Variants in PCDHGA9 observed in about 807,000 individuals in gnomAD.
PCDHGA9 encodes protocadherin gamma-A9.
PCDHGA9 carries 37 observed loss-of-function variants against 62.5 expected under a neutral mutation model. That is an observed-to-expected ratio of 0.59 (90% CI 0.46 to 0.78). The LOEUF is 0.78. Ranked by LOEUF, PCDHGA9 falls within the 30% of genes least tolerant of loss-of-function variation. PCDHGA9 has a pLI of 0.00. For synonymous variants in PCDHGA9, 459 were observed against 484.6 expected (o/e 0.95, Z 0.69); for missense variants, 1,138 against 1,166.2 (o/e 0.98, Z 0.35).
intron 1 of PCDHGA9, among the ~76,000 whole-genome samples, chr5:141,467,062 T>C (rs2099136058): frequency 6.6e-6 from 1 of 151,686 alleles, no homozygotes; most frequent in South Asian, 2.1e-4. Context: ...TTTCTTTTTT[T>C]TTTTTTTTTA....
intron 1 of PCDHGA9, among the ~76,000 whole-genome samples, chr5:141,448,772 G>C (rs1034550563): frequency 1.5e-4 from 22 of 151,272 alleles, no homozygotes; most frequent in African/African-American, 3.7e-4. Context: ...AACCCCGTCT[G>C]TACTAAAAAT....
Position 141,490,710 on chromosome 5 carries a change from C to G in PCDHGA9, c.2425-4097C>G, listed in dbSNP as rs1158575765. On this transcript the variant is annotated intron_variant, in intron 1 of 3. Coordinates refer to ENST00000573521, the MANE Select transcript of PCDHGA9 (RefSeq NM_018921.3). The surrounding 1 kb of genome is among the most constrained non-coding windows in gnomAD (Gnocchi z 5.4). ...ACACTGGGGATAATGCCCGCCTCAC[C>G]TACTCCATTGTAGGAAATCAGGTTC... 6.2e-7 allele frequency: 1 copy of G among 1,614,208 alleles called. No homozygotes were observed. The highest frequency in any genetic ancestry group is 8.5e-7 in the Non-Finnish European group (1 of 1,180,030).
intron 2 of PCDHGA9, among the ~76,000 whole-genome samples, chr5:141,499,149 A>G (rs1215155217): frequency 6.6e-6 from 1 of 152,084 alleles, no homozygotes; most frequent in African/African-American, 2.4e-5. Context: ...TCTGATCCCA[A>G]TAGCTGTTGT....
intron 1 of PCDHGA9, among the ~76,000 whole-genome samples, chr5:141,467,823 T>A (rs1225960296): frequency 1.3e-5 from 2 of 152,012 alleles, no homozygotes; most frequent in African/African-American, 2.4e-5. Flanking sequence ...CACACCAGGC[T>A]GATTTTTATA....
At position 141,508,909 on chromosome 5, in the gene PCDHGA9, G is replaced by A. The variant is rs545345992; in HGVS notation, c.2573-2038G>A. ...GAGGGGAGGGGGCGGGGCGGTGGCG[G>A]ATCTGGCTTCCTTTTGGAGTTAATT... is the stretch of plus-strand genomic sequence containing the variant. On this transcript the variant is annotated intron_variant, in intron 3 of 3. Coordinates refer to ENST00000573521, the MANE Select transcript of PCDHGA9 (RefSeq NM_018921.3). 2.0e-5 allele frequency among the ~76,000 whole-genome samples: 3 copies of A among 152,202 alleles called. No homozygotes were observed. The South Asian group carries it at 6.2e-4, about 32-fold the overall frequency.
At position 141,438,631 on chromosome 5, in the gene PCDHGA9, T is replaced by C. The variant is rs1227796079; in HGVS notation, c.2424+33255T>C. 6.5e-4 allele frequency among the ~76,000 whole-genome samples: 28 copies of C among 43,202 alleles called. 1 individual carries two copies. Among genetic ancestry groups the C allele is most frequent in the Non-Finnish European group, 8.8e-4 (23 of 26,272 alleles). 28.3% of individuals were successfully genotyped at this position (43,202 alleles called of 152,430 possible). On this transcript the variant is annotated intron_variant, in intron 1 of 3. Transcript: ENST00000573521. ...ATATATATATATATATATATATATATATATACACACACACACACACATATA... is the reference window on the plus strand; with the variant it reads ...ATATATATATATATATATATATATACATATACACACACACACACACATATA...
chr5:141,472,795 G>A (rs939788734), intron 1 of PCDHGA9, among the ~76,000 whole-genome samples: 1 of 151,794 alleles, frequency 6.6e-6, no homozygotes, highest in Non-Finnish European at 1.5e-5. Flanking sequence ...AGATCAGCCT[G>A]ACCAACATGG....
At chr5:141,410,701 A>C in intron 1 of PCDHGA9, 2 of 1,471,660 alleles carry the variant, frequency 1.4e-6, no homozygotes, top group Non-Finnish European at 9.1e-7. Context: ...TTATTTTCAT[A>C]TCTAGAATCA....
chr5:141,404,214 C>A lies in PCDHGA9; in HGVS notation c.1262C>A (p.Thr421Lys). Reference sequence around the variant, plus strand: ...GAAAAAGCCTCAGAATATAATATCACGGTGACTGCAACAGACAGAGGAACT... The same window carrying A: ...GAAAAAGCCTCAGAATATAATATCAAGGTGACTGCAACAGACAGAGGAACT... The part of the protein sequence containing the change: ...DREKASEYNI[T>K]VTATDRGTPP... The change falls in exon 1 of 4, where the codon ACG (threonine) becomes AAG (lysine). Residue 421 changes from threonine to lysine, a missense_variant. Thr to Lys is a moderately conservative substitution (Grantham distance 78). Transcript: ENST00000573521. 6.2e-7 allele frequency: 1 copy of A among 1,613,562 alleles called. No homozygotes were observed. Among genetic ancestry groups the A allele is most frequent in the Non-Finnish European group, 8.5e-7 (1 of 1,179,632 alleles).
At chr5:141,415,252 C>T (rs895920596) in intron 1 of PCDHGA9, 5 of 1,614,098 alleles carry the variant, frequency 3.1e-6, no homozygotes, top group Non-Finnish European at 4.2e-6. Context: ...AACCTCAGAC[C>T]TCACTCTGTA....
rs1009141449 is a variant in PCDHGA9, at chr5:141,491,922, G to A, written c.2425-2885G>A. 2 of 1,349,026 alleles carry A rather than the reference G, an allele frequency of 1.5e-6. No individual in the cohort carries two copies. Among genetic ancestry groups the A allele is most frequent in the African/African-American group, 1.5e-5 (1 of 67,598 alleles). The allele number at this position is 1,349,026 out of a possible 1,614,324, so 83.6% of individuals were successfully genotyped here. On this transcript the variant is annotated intron_variant, in intron 1 of 3. Coordinates refer to ENST00000573521, the MANE Select transcript of PCDHGA9 (RefSeq NM_018921.3). The surrounding 1 kb of genome is among the most constrained non-coding windows in gnomAD (Gnocchi z 6.9). ...CGGGGGTGGTGGCGACTGTGGGCGAGGGGAGGTGGGACCGACCCCCACCCC... is the reference window on the plus strand; with the variant it reads ...CGGGGGTGGTGGCGACTGTGGGCGAAGGGAGGTGGGACCGACCCCCACCCC...
intron 2 of PCDHGA9, among the ~76,000 whole-genome samples, chr5:141,495,250 A>G (rs557893500): frequency 6.6e-6 from 1 of 152,188 alleles, no homozygotes; most frequent in Non-Finnish European, 1.5e-5. Context: ...CCTGGGGCTC[A>G]GGCAGAAAAG....
intron 1 of PCDHGA9, chr5:141,440,191 A>G (rs1239698049): frequency 1.3e-5 from 2 of 152,376 alleles, no homozygotes; most frequent in African/African-American, 4.8e-5. Context: ...GTTGAAGGCC[A>G]GGCATGGTGG....
intron 1 of PCDHGA9, chr5:141,409,529 G>A: frequency 6.2e-7 from 1 of 1,613,962 alleles, no homozygotes; most frequent in Middle Eastern, 1.6e-4. Context: ...CTTGTATGTC[G>A]CTGACATCAA....
At chr5:141,459,287 G>A (rs1362981410) in intron 1 of PCDHGA9, among the ~76,000 whole-genome samples, 1 of 152,136 alleles carries the variant, frequency 6.6e-6, no homozygotes, top group African/African-American at 2.4e-5. Context: ...TCATCTAAAT[G>A]GAATCCTATA....
In PCDHGA9 at chr5:141,477,767, A is replaced by G. The variant is rs1178354274; in HGVS notation, c.2425-17040A>G. 6.2e-7 allele frequency: 1 copy of G among 1,613,906 alleles called. No homozygotes were observed. The highest frequency in any genetic ancestry group is 8.5e-7 in the Non-Finnish European group (1 of 1,180,038). On this transcript the variant is annotated intron_variant, in intron 1 of 3. Coordinates refer to ENST00000573521, the MANE Select transcript of PCDHGA9 (RefSeq NM_018921.3). The surrounding 1 kb of genome is among the most constrained non-coding windows in gnomAD (Gnocchi z 4.9). ...GGGCACCCCGGTCCTAGCCACCAAC[A>G]TCAGCGTGAACATATTTGTCACTGA...
chr5:141,415,740 GTTTTTTTTT>G (rs57426385), intron 1 of PCDHGA9: 9,508 of 621,550 alleles, frequency 0.015, 13 homozygotes, highest in Non-Finnish European at 0.016. Context: ...GTTTATTAAG[GTTTTTTTTT>G]TTTTTTTTTT....
At chr5:141,416,014 A>G (rs1258459397) in intron 1 of PCDHGA9, 1 of 228,504 alleles carries the variant, frequency 4.4e-6, no homozygotes, top group African/African-American at 2.3e-5. Flanking sequence ...AAGAATAGGT[A>G]AGTATCAGAA....
intron 1 of PCDHGA9, chr5:141,414,054 G>T: frequency 6.2e-7 from 1 of 1,610,250 alleles, no homozygotes; most frequent in South Asian, 1.1e-5. Context: ...ACACGCAATT[G>T]TTGAAGTTCC....
Sources: gnomAD v4.1 joint callset for allele counts (sites outside exome capture counted in the v4.1 genomes callset) on GRCh38, gnomAD v4.1.1 for gene constraint, Gnocchi (gnomAD v3.1) non-coding constraint, MANE v1.5 for transcripts, NCBI Gene and HGNC (gene_info 2026-07-23, HGNC 2026-07-21) for gene names.